Variants in ANGPT1 observed in about 807,000 individuals in gnomAD.
The protein encoded by ANGPT1 is angiopoietin 1.
A neutral mutation model predicts 62.2 loss-of-function variants in ANGPT1; 17 were observed. That is an observed-to-expected ratio of 0.27 (90% CI 0.19 to 0.41). The LOEUF (loss-of-function observed/expected upper bound fraction) is 0.41, where lower values mean the gene tolerates loss of function less well. ANGPT1 is among the 10% of genes least tolerant of loss of function. ANGPT1 has a pLI of 1.00. For missense variants in ANGPT1, 478 were observed against 594.9 expected (o/e 0.80, Z 2.04); for synonymous variants, 199 against 198.9 (o/e 1.00, Z 0.00).
chr8:107,431,795 A>G (rs1284833358), intron 1 of ANGPT1, among the ~76,000 whole-genome samples: 3 of 152,180 alleles, frequency 2.0e-5, no homozygotes, highest in East Asian at 1.9e-4. Flanking sequence ...CAAGAAATTC[A>G]AAGACTAGAT....
chr8:107,343,001 T>A (rs1815728481), intron 2 of ANGPT1, among the ~76,000 whole-genome samples: 2 of 24,818 alleles, frequency 8.1e-5, no homozygotes, highest in African/African-American at 8.2e-4. Flanking sequence ...ATGCCTGGCT[T>A]TTTTTTTTTT....
intron 1 of ANGPT1, among the ~76,000 whole-genome samples, chr8:107,481,685 G>T (rs189529100): frequency 1.3e-5 from 2 of 152,086 alleles, no homozygotes; most frequent in African/African-American, 4.8e-5. Flanking sequence ...CCAGTGTCTG[G>T]GGGGAGGCCT....
chr8:107,404,186 T>A (rs1817100794), intron 1 of ANGPT1, among the ~76,000 whole-genome samples: 1 of 152,170 alleles, frequency 6.6e-6, no homozygotes. Context: ...CCTGATGATA[T>A]CTGCCAATAT....
intron 7 of ANGPT1, among the ~76,000 whole-genome samples, chr8:107,270,153 A>C (rs1813705239): frequency 6.6e-6 from 1 of 151,904 alleles, no homozygotes; most frequent in Admixed American, 6.6e-5. Context: ...TTTCTTACTA[A>C]TTTTCTCTAC....
chr8:107,414,720 T>C (rs1810692595), intron 1 of ANGPT1, among the ~76,000 whole-genome samples: 1 of 152,120 alleles, frequency 6.6e-6, no homozygotes, highest in South Asian at 2.1e-4. Flanking sequence ...ACTTCCCACT[T>C]CCAAGTGCCC....
chr8:107,450,600 A>G (rs564635176), intron 1 of ANGPT1, among the ~76,000 whole-genome samples: 2 of 152,060 alleles, frequency 1.3e-5, no homozygotes, highest in South Asian at 4.1e-4. Flanking sequence ...CAACCAAAAC[A>G]AACACAGTAA....
intron 4 of ANGPT1, among the ~76,000 whole-genome samples, chr8:107,314,730 T>C (rs796763587): frequency 2.6e-5 from 4 of 152,324 alleles, no homozygotes; most frequent in African/African-American, 7.2e-5. Context: ...TGACTTCCTG[T>C]ATTTTTCTTT....
chr8:107,325,092 T>C (rs1815255244), intron 3 of ANGPT1, among the ~76,000 whole-genome samples: 1 of 152,206 alleles, frequency 6.6e-6, no homozygotes, highest in Non-Finnish European at 1.5e-5. Context: ...ATGTTATTTT[T>C]CTTTGCCAGT....
intron 6 of ANGPT1, 116 bp from the exon 7 acceptor site, chr8:107,284,964 T>G: frequency 1.2e-6 from 1 of 848,038 alleles, no homozygotes; most frequent in Non-Finnish European, 1.6e-6. Context: ...AGGTTTTTGT[T>G]TTTTACATTT....
At chr8:107,370,544 A>T (rs1469398288) in intron 1 of ANGPT1, among the ~76,000 whole-genome samples, 4 of 67,038 alleles carry the variant, frequency 6.0e-5, no homozygotes, top group East Asian at 5.0e-4. Flanking sequence ...TCTACTAAAA[A>T]TAAAAAAATT....
Position 107,281,428 on chromosome 8 carries a change from G to A in ANGPT1, c.1205+3254C>T, listed in dbSNP as rs745975741. ...AATTTCATAGTTTTATATTTCAGTC[G>A]GAATTTAGTTGAATTTGACCAAGTC... On this transcript the variant is annotated intron_variant, in intron 7 of 8. Transcript: ENST00000517746. Among the ~76,000 whole-genome samples, 41 of 152,100 alleles carry A rather than the reference G, an allele frequency of 2.7e-4. No homozygotes were observed. The Middle Eastern group carries it at 0.01, about 38-fold the overall frequency.
At chr8:107,301,940 G>A (rs1814599436) in intron 5 of ANGPT1, among the ~76,000 whole-genome samples, 1 of 151,868 alleles carries the variant, frequency 6.6e-6, no homozygotes, top group Non-Finnish European at 1.5e-5. Flanking sequence ...AGTGGCATCT[G>A]GCAAACTGGG....
At chr8:107,442,090 A>G (rs1173134356) in intron 1 of ANGPT1, among the ~76,000 whole-genome samples, 3 of 152,102 alleles carry the variant, frequency 2.0e-5, no homozygotes, top group African/African-American at 4.8e-5. Context: ...TCTCAAAAAA[A>G]AAGCTGGGGG....
At chr8:107,303,460 C>T in intron 4 of ANGPT1, 93 bp from the exon 5 acceptor site, 1 of 1,090,584 alleles carries the variant, frequency 9.2e-7, no homozygotes, top group Non-Finnish European at 1.3e-6. Context: ...GTCTTCATTT[C>T]CTCCACACAA....
intron 7 of ANGPT1, among the ~76,000 whole-genome samples, chr8:107,267,105 A>G (rs914606127): frequency 5.9e-5 from 9 of 152,078 alleles, no homozygotes; most frequent in Non-Finnish European, 1.3e-4. Flanking sequence ...TTTGAACACT[A>G]TAAGTAAAGC....
chr8:107,436,388 C>T (rs1811334392), intron 1 of ANGPT1, among the ~76,000 whole-genome samples: 1 of 152,160 alleles, frequency 6.6e-6, no homozygotes. Context: ...ATTCATCCTC[C>T]AGAATATTAT....
At chr8:107,319,198 TAGAC>T (rs763685441) in intron 4 of ANGPT1, among the ~76,000 whole-genome samples, 1 of 152,142 alleles carries the variant, frequency 6.6e-6, no homozygotes, top group Non-Finnish European at 1.5e-5. Flanking sequence ...TGTGGTGAAA[TAGAC>T]AGAATTCTCC....
At chr8:107,296,387 T>A (rs1451984794) in intron 5 of ANGPT1, among the ~76,000 whole-genome samples, 1 of 151,974 alleles carries the variant, frequency 6.6e-6, no homozygotes, top group Non-Finnish European at 1.5e-5. Flanking sequence ...AATAGGAAAA[T>A]TTGATTAATG....
At chr8:107,275,815 G>C (rs1031247068) in intron 7 of ANGPT1, among the ~76,000 whole-genome samples, 3 of 152,152 alleles carry the variant, frequency 2.0e-5, no homozygotes, top group East Asian at 3.9e-4. Flanking sequence ...ATTGGAGGCA[G>C]TGCTTGCTAG....
Sources: gnomAD v4.1 joint callset for allele counts (sites outside exome capture counted in the v4.1 genomes callset) on GRCh38, gnomAD v4.1.1 for gene constraint, MANE v1.5 for transcripts, NCBI Gene and HGNC (gene_info 2026-07-23, HGNC 2026-07-21) for gene names.